Variants in SCN9A observed in about 807,000 individuals in gnomAD.
SCN9A encodes sodium voltage-gated channel alpha subunit 9.
A neutral mutation model predicts 187.0 loss-of-function variants in SCN9A; 131 were observed. The ratio of observed to expected loss-of-function variants is 0.70; its 90% CI spans 0.61 to 0.81. The LOEUF is 0.81. SCN9A is among the 30% of genes least tolerant of loss of function. The pLI is 0.00. For missense variants in SCN9A, 2,252 were observed against 2,396.6 expected, an observed-to-expected ratio of 0.94 and a Z score of 1.26; for synonymous variants, 809 against 808.6, an observed-to-expected ratio of 1.00 and a Z score of -0.01.
At chr2:166,285,092 A>G (rs1374652179) in intron 11 of SCN9A, among the ~76,000 whole-genome samples, 1 of 152,208 alleles carries the variant, frequency 6.6e-6, no homozygotes, top group African/African-American at 2.4e-5. Context: ...TTACTGCTCC[A>G]TTCTTTTAAT....
At chr2:166,239,536 T>G (rs1695473636) in intron 19 of SCN9A, among the ~76,000 whole-genome samples, 1 of 152,132 alleles carries the variant, frequency 6.6e-6, no homozygotes, top group Admixed American at 6.6e-5. Flanking sequence ...AAAGACTGAA[T>G]GGACCTACTA....
intron 1 of SCN9A, among the ~76,000 whole-genome samples, chr2:166,337,571 T>A (rs1334578180): frequency 1.3e-5 from 2 of 152,042 alleles, no homozygotes; most frequent in African/African-American, 2.4e-5. Flanking sequence ...CAAAACAGCT[T>A]GAATGGAAGT....
intron 1 of SCN9A, among the ~76,000 whole-genome samples, chr2:166,352,567 G>C (rs1246088254): frequency 6.6e-6 from 1 of 152,168 alleles, no homozygotes; most frequent in Admixed American, 6.5e-5. Context: ...ATTAATTAAA[G>C]TACATCTTGC....
chr2:166,355,188 C>T (rs1488316539), intron 1 of SCN9A, among the ~76,000 whole-genome samples: 1 of 152,022 alleles, frequency 6.6e-6, no homozygotes, highest in Non-Finnish European at 1.5e-5. Flanking sequence ...ACTGCAACCT[C>T]TGCCTCTTGG....
chr2:166,271,325 C>A (rs1017665830), intron 17 of SCN9A, among the ~76,000 whole-genome samples: 5 of 152,034 alleles, frequency 3.3e-5, no homozygotes, highest in African/African-American at 9.7e-5. Context: ...ATTCATTTAA[C>A]CCTGACCCAA....
chr2:166,288,362 C>T, intron 10 of SCN9A, 75 bp downstream of exon 10: 1 of 1,134,126 alleles, frequency 8.8e-7, no homozygotes, highest in Non-Finnish European at 1.3e-6. Context: ...GAAGGCCAAG[C>T]ATATACCGCA....
At chr2:166,266,957 G>A (rs1398064118) in intron 17 of SCN9A, among the ~76,000 whole-genome samples, 1 of 151,246 alleles carries the variant, frequency 6.6e-6, no homozygotes, top group Non-Finnish European at 1.5e-5. Context: ...TTTTTCATGG[G>A]GTCATTAGAA....
At chr2:166,232,750 TATAGAGAGAG>T (rs1313450918) in intron 21 of SCN9A, among the ~76,000 whole-genome samples, 7 of 113,980 alleles carry the variant, frequency 6.1e-5, no homozygotes, top group Admixed American at 1.7e-4. Flanking sequence ...TATATATATA[TATAGAGAGAG>T]AGAGAGTATG....
At chr2:166,294,761 T>C (rs188421141) in intron 7 of SCN9A, 99 bp from the exon 8 acceptor site, 2 of 726,422 alleles carry the variant, frequency 2.8e-6, no homozygotes, top group Non-Finnish European at 4.3e-6. Context: ...TATCTACAAA[T>C]TCAGGCCTGG....
chr2:166,342,493 G>A (rs1699809592), intron 1 of SCN9A, among the ~76,000 whole-genome samples: 1 of 152,002 alleles, frequency 6.6e-6, no homozygotes, highest in Admixed American at 6.6e-5. Context: ...ATTATAGTGT[G>A]GCTTAAACTG....
intron 17 of SCN9A, among the ~76,000 whole-genome samples, chr2:166,269,047 A>C (rs1696864061): frequency 6.6e-6 from 1 of 151,974 alleles, no homozygotes; most frequent in African/African-American, 2.4e-5. Flanking sequence ...CTGTATATTT[A>C]ATTGTGCATA....
chr2:166,217,356 A>G (rs1694379205), intron 24 of SCN9A, among the ~76,000 whole-genome samples: 1 of 152,120 alleles, frequency 6.6e-6, no homozygotes, highest in African/African-American at 2.4e-5. Context: ...ATAAGAGACA[A>G]GTTGGATTAG....
At chr2:166,233,928 G>A (rs910148551) in intron 20 of SCN9A, among the ~76,000 whole-genome samples, 2 of 152,132 alleles carry the variant, frequency 1.3e-5, no homozygotes, top group Admixed American at 6.5e-5. Context: ...GAAGACTCAT[G>A]ATTTTGAGTT....
At chr2:166,222,945 CAAAA>C (rs1309168684) in intron 24 of SCN9A, among the ~76,000 whole-genome samples, 1 of 44,984 alleles carries the variant, frequency 2.2e-5, no homozygotes, top group Non-Finnish European at 4.0e-5. Context: ...AAAAAAACAA[CAAAA>C]AAAAAAAAAA....
At chr2:166,248,214 G>T (rs920055238) in intron 18 of SCN9A, 1 of 151,922 alleles carries the variant, frequency 6.6e-6, no homozygotes, top group Non-Finnish European at 1.5e-5. Flanking sequence ...ATCTCTGGAG[G>T]TGAAACATTG....
intron 7 of SCN9A, among the ~76,000 whole-genome samples, chr2:166,300,224 G>A (rs1328248047): frequency 6.6e-6 from 1 of 150,624 alleles, no homozygotes; most frequent in Non-Finnish European, 1.5e-5. Flanking sequence ...TATTTTTTCT[G>A]CTACTTTCTC....
intron 1 of SCN9A, among the ~76,000 whole-genome samples, chr2:166,361,139 G>GA (rs148846057): frequency 0.065 from 9,868 of 152,024 alleles, 461 homozygotes; most frequent in African/African-American, 0.13. Flanking sequence ...TATTTTAGTG[G>GA]AAAAAATTAG....
At chr2:166,297,596 C>G (rs2106512170) in intron 7 of SCN9A, among the ~76,000 whole-genome samples, 1 of 151,194 alleles carries the variant, frequency 6.6e-6, no homozygotes, top group South Asian at 2.1e-4. Flanking sequence ...TTAGTGGTTG[C>G]CAGGGGCTGG....
chr2:166,312,111 G>A (rs1306949708), intron 1 of SCN9A, among the ~76,000 whole-genome samples: 1 of 151,850 alleles, frequency 6.6e-6, no homozygotes, highest in Non-Finnish European at 1.5e-5. Context: ...ATTTACCTTT[G>A]GTGCAATTCA....
Sources: gnomAD v4.1 joint callset for allele counts (sites outside exome capture counted in the v4.1 genomes callset) on GRCh38, gnomAD v4.1.1 for gene constraint, MANE v1.5 for transcripts, NCBI Gene and HGNC (gene_info 2026-07-23, HGNC 2026-07-21) for gene names.